RASGRF2: variants seen among roughly 807,000 people sequenced by gnomAD.
RASGRF2 encodes the protein Ras protein specific guanine nucleotide releasing factor 2.
Under a neutral mutation model 151.0 loss-of-function variants are expected in RASGRF2, and 76 were observed. The observed-to-expected ratio is 0.50, with a 90% confidence interval of 0.42 to 0.61. The LOEUF (loss-of-function observed/expected upper bound fraction) is 0.61, where lower values mean the gene tolerates loss of function less well. Among genes scored for constraint, RASGRF2 ranks in the 20% least tolerant of loss-of-function variants. The pLI is 0.00. For synonymous variants in RASGRF2, 504 were observed against 566.5 expected (o/e 0.89, Z 1.57); for missense variants, 1,148 against 1,564.6 (o/e 0.73, Z 4.49).
At chr5:81,133,930 T>TTTTAAA (rs1753686789) in intron 17 of RASGRF2, among the ~76,000 whole-genome samples, 1 of 152,140 alleles carries the variant, frequency 6.6e-6, no homozygotes, top group Non-Finnish European at 1.5e-5. Context: ...TGAGTTGGGC[T>TTTTAAA]TGGATCGGTT....
At chr5:81,053,214 G>A (rs891876681) in intron 2 of RASGRF2, among the ~76,000 whole-genome samples, 3 of 151,380 alleles carry the variant, frequency 2.0e-5, no homozygotes, top group African/African-American at 7.3e-5. Flanking sequence ...CCATGTTGGT[G>A]TGCTGCACCC....
chr5:81,079,196 G>A (rs145345483), intron 5 of RASGRF2, among the ~76,000 whole-genome samples: 102 of 152,310 alleles, frequency 6.7e-4, no homozygotes, highest in African/African-American at 2.4e-3. Flanking sequence ...CTAGAAGGAG[G>A]ATGGAATACA....
chr5:81,172,434 CGTGTGTGTGTGTGTGT>C (rs57957668), intron 17 of RASGRF2, among the ~76,000 whole-genome samples: 13 of 145,504 alleles, frequency 8.9e-5, no homozygotes, highest in Non-Finnish European at 1.7e-4. Context: ...CAAGGATGTG[CGTGTGTGTGTGTGTGT>C]GTGTGTGTGT....
At chr5:81,108,834 CTGTGTGTG>C (rs10606038) in intron 12 of RASGRF2, among the ~76,000 whole-genome samples, 154 bp from the exon 13 acceptor site, 3,574 of 139,844 alleles carry the variant, frequency 0.026, 49 homozygotes, top group East Asian at 0.034. Flanking sequence ...TTTACCTACT[CTGTGTGTG>C]TGTGTGTGTG....
chr5:80,976,977 T>C (rs182306430), intron 1 of RASGRF2, among the ~76,000 whole-genome samples: 43 of 152,332 alleles, frequency 2.8e-4, no homozygotes, highest in Non-Finnish European at 4.3e-4. Flanking sequence ...TCCTTAGATG[T>C]ACATGGTCTT....
chr5:81,070,818 T>C (rs955845931), intron 4 of RASGRF2, among the ~76,000 whole-genome samples: 1 of 152,176 alleles, frequency 6.6e-6, no homozygotes, highest in Non-Finnish European at 1.5e-5. Flanking sequence ...AATAGTGTTC[T>C]CCAGTGGGGT....
intron 12 of RASGRF2, among the ~76,000 whole-genome samples, chr5:81,108,741 T>C (rs184212285): frequency 1.5e-4 from 23 of 152,308 alleles, no homozygotes; most frequent in African/African-American, 4.6e-4. Flanking sequence ...ACAGCTGTTG[T>C]ATCTGTCCTC....
intron 18 of RASGRF2, among the ~76,000 whole-genome samples, chr5:81,196,541 A>G (rs1364963800): frequency 6.6e-6 from 1 of 152,200 alleles, no homozygotes; most frequent in Non-Finnish European, 1.5e-5. Context: ...GTTCAAAATA[A>G]TAAAATTACA....
chr5:81,199,380 A>G (rs551948404), intron 18 of RASGRF2, among the ~76,000 whole-genome samples: 22 of 152,250 alleles, frequency 1.4e-4, no homozygotes, highest in Non-Finnish European at 3.1e-4. Context: ...GCATTACATT[A>G]GTAGACATAT....
At chr5:81,204,765 C>G (rs1755469123) in intron 19 of RASGRF2, among the ~76,000 whole-genome samples, 1 of 152,150 alleles carries the variant, frequency 6.6e-6, no homozygotes, top group African/African-American at 2.4e-5. Flanking sequence ...AAAAGTCATC[C>G]TCAAACCCCA....
At chr5:81,049,119 T>G (rs1750927891) in intron 2 of RASGRF2, among the ~76,000 whole-genome samples, 1 of 149,084 alleles carries the variant, frequency 6.7e-6, no homozygotes, top group South Asian at 2.1e-4. Context: ...TATTTAATAC[T>G]TACTTTTGAA....
chr5:81,177,612 A>C (rs1754805232), intron 17 of RASGRF2, among the ~76,000 whole-genome samples: 1 of 150,876 alleles, frequency 6.6e-6, no homozygotes, highest in Non-Finnish European at 1.5e-5. Context: ...AGATCATACT[A>C]GATCCCTGTC....
intron 17 of RASGRF2, among the ~76,000 whole-genome samples, chr5:81,161,252 C>A (rs971828294): frequency 5.9e-5 from 9 of 152,152 alleles, no homozygotes; most frequent in Admixed American, 3.9e-4. Flanking sequence ...GGCCACTGCA[C>A]CTTAGCAAGA....
In RASGRF2 at chr5:81,216,364, CACACGCACACACACACACACAA is replaced by C. The variant is rs1755736376; in HGVS notation, c.3434+414_3434+435del. On this transcript the variant is annotated intron_variant, in intron 24 of 26. Transcript: ENST00000265080. ...TTCCCTTTCTACACACACACACACA[CACACGCACACACACACACACAA>C]ACACACACACACGCAGAGAGAGAGA... Among the ~76,000 whole-genome samples the C allele has an allele frequency of 4.5e-5, 4 of 89,826 alleles. No individual in the cohort carries two copies. The South Asian group carries it at 1.3e-3, about 29-fold the overall frequency. 58.9% of individuals were successfully genotyped at this position (89,826 alleles called of 152,430 possible).
intron 17 of RASGRF2, among the ~76,000 whole-genome samples, chr5:81,146,120 C>T (rs527641879): frequency 2.0e-5 from 3 of 152,218 alleles, no homozygotes; most frequent in South Asian, 4.2e-4. Context: ...TCAAGGTTCC[C>T]GAACAGTCTT....
chr5:80,969,529 A>G (rs1360727026), intron 1 of RASGRF2, among the ~76,000 whole-genome samples: 1 of 151,320 alleles, frequency 6.6e-6, no homozygotes, highest in Non-Finnish European at 1.5e-5. Flanking sequence ...GCTCACTGCA[A>G]GCTCCGCCTC....
At chr5:81,173,523 A>C (rs1335814987) in intron 17 of RASGRF2, among the ~76,000 whole-genome samples, 2 of 152,236 alleles carry the variant, frequency 1.3e-5, no homozygotes, top group Non-Finnish European at 2.9e-5. Context: ...TCTCTCCAGA[A>C]ACAGTATGTC....
At chr5:80,991,139 G>T (rs991876486) in intron 1 of RASGRF2, among the ~76,000 whole-genome samples, 5 of 152,110 alleles carry the variant, frequency 3.3e-5, no homozygotes, top group African/African-American at 1.2e-4. Flanking sequence ...TCCCCTGGAG[G>T]CCTTGTAAAA....
chr5:81,065,095 A>C (rs1040583188), intron 2 of RASGRF2, among the ~76,000 whole-genome samples: 5 of 152,170 alleles, frequency 3.3e-5, no homozygotes, highest in Admixed American at 1.3e-4. Context: ...TGCCCAGTCA[A>C]GCCTCAAGAT....
Sources: gnomAD v4.1 joint callset for allele counts (sites outside exome capture counted in the v4.1 genomes callset) on GRCh38, gnomAD v4.1.1 for gene constraint, MANE v1.5 for transcripts, NCBI Gene and HGNC (gene_info 2026-07-23, HGNC 2026-07-21) for gene names.